The following ZNF484 variants were observed in gnomAD, a reference collection of about 807,000 sequenced individuals.
The protein encoded by ZNF484 is zinc finger protein 484, also known as KRAB box containing C2H2 type zinc finger bA526D8.4.
Under a neutral mutation model 12.9 loss-of-function variants are expected in ZNF484, and 11 were observed. The observed-to-expected ratio is 0.85, with a 90% CI of 0.54 to 1.41. The LOEUF (loss-of-function observed/expected upper bound fraction) is 1.41. Ranked by LOEUF, ZNF484 falls within the 40% of genes most tolerant of loss-of-function variation. The pLI is 0.00. For synonymous variants in ZNF484, 289 were observed against 334.1 expected (o/e 0.86, Z 1.47); for missense variants, 807 against 1,007.7 (o/e 0.80, Z 2.70).
intron 2 of ZNF484, among the ~76,000 whole-genome samples, chr9:92,870,420 G>A (rs7024349): frequency 4.6e-5 from 7 of 152,196 alleles, no homozygotes; most frequent in East Asian, 3.9e-4. Context: ...CTGTGGGCTT[G>A]ATTCATCTCT....
At chr9:92,852,131 C>G (rs1353892244) in intron 4 of ZNF484, among the ~76,000 whole-genome samples, 2 of 152,170 alleles carry the variant, frequency 1.3e-5, no homozygotes, top group African/African-American at 4.8e-5. Context: ...TCTACAGAAA[C>G]TTTGCATTTT....
In ZNF484 at chr9:92,856,332, A is replaced by AG. The variant is rs767836682; in HGVS notation, c.16-15_16-14insC. On this transcript the variant is annotated splice_polypyrimidine_tract_variant and intron_variant, in intron 2 of 4. Transcript: ENST00000375495. ...TGACACTGATTCCTGTTAAAAAAAA[A>AG]AAACAAACTTTAAAATAATTTTTTA... 2.6e-6 allele frequency: 4 copies of AG among 1,538,516 alleles called. No homozygotes were observed. The highest frequency in any genetic ancestry group is 2.8e-5 in the African/African-American group (2 of 71,760).
intron 2 of ZNF484, among the ~76,000 whole-genome samples, chr9:92,873,268 C>G (rs10123843): frequency 0.41 from 63,069 of 151,996 alleles, 14,051 homozygotes; most frequent in African/African-American, 0.57. Context: ...TACTTGCACC[C>G]TGATCTCTCA....
At chr9:92,860,672 A>G (rs929177003) in intron 2 of ZNF484, among the ~76,000 whole-genome samples, 11 of 151,976 alleles carry the variant, frequency 7.2e-5, no homozygotes, top group African/African-American at 2.4e-4. Context: ...TGAAAACTAC[A>G]AAAGATGCAT....
intron 1 of ZNF484, 37 bp downstream of exon 1, chr9:92,877,853 T>C (rs1173625726): frequency 1.3e-6 from 2 of 1,535,828 alleles, no homozygotes; most frequent in Admixed American, 3.9e-5. Flanking sequence ...GAGATTCTTC[T>C]TGCTCAGTCC....
intron 2 of ZNF484, among the ~76,000 whole-genome samples, chr9:92,862,861 T>C (rs1421390889): frequency 6.6e-6 from 1 of 152,212 alleles, no homozygotes; most frequent in Non-Finnish European, 1.5e-5. Context: ...AGTGTGGTGA[T>C]TCCTCAAAGA....
Position 92,869,447 on chromosome 9 carries a change from C to T in ZNF484, c.15+5568G>A, listed in dbSNP as rs538306960. The stretch of plus-strand genomic sequence containing the variant: ...TATGATATACCCATATTAGGCTGGG[C>T]GCAGTGGCTCACGCCTATAATTCCA... On this transcript the variant is annotated intron_variant, in intron 2 of 4. Coordinates refer to ENST00000375495, the MANE Select transcript of ZNF484 (RefSeq NM_031486.4). Among the ~76,000 whole-genome samples the T allele has an allele frequency of 7.9e-5, 12 of 152,244 alleles. No individual in the cohort carries two copies. The South Asian group carries it at 2.5e-3, about 32-fold the overall frequency.
chr9:92,871,971 T>A (rs1351634197), intron 2 of ZNF484, among the ~76,000 whole-genome samples: 3 of 152,230 alleles, frequency 2.0e-5, no homozygotes, highest in Admixed American at 6.5e-5. Context: ...GGCTCATGCC[T>A]GTAATCCCAA....
chr9:92,845,404 T>A lies in ZNF484; in HGVS notation c.*824A>T, dbSNP rs936843751. ...CTTCCAAATGTTCAACTACATTTTATCTTCTAAGGACACAAACTAAAATTC... is the reference window on the plus strand; with the variant it reads ...CTTCCAAATGTTCAACTACATTTTAACTTCTAAGGACACAAACTAAAATTC... On this transcript the variant is annotated 3_prime_UTR_variant, in exon 5 of 5. Transcript: ENST00000375495. The surrounding 1 kb of genome is among the most constrained non-coding windows in gnomAD (Gnocchi z 4.0). 2.1e-4 allele frequency: 32 copies of A among 152,236 alleles called. No individual in the cohort carries two copies. Among genetic ancestry groups the A allele is most frequent in the African/African-American group, 7.2e-4 (30 of 41,464 alleles). 9.4% of individuals were successfully genotyped at this position (152,236 alleles called of 1,614,324 possible). A position where few individuals can be genotyped will look rare whatever the true frequency, so the allele number is the denominator to read the frequency against.
Position 92,848,426 on chromosome 9 carries a change from C to T in ZNF484, c.361G>A (p.Asp121Asn). The stretch of plus-strand genomic sequence containing the variant: ...CCACATTTTCTTGTGTGTTCATCGT[C>T]TTTCCACAATTCTTCTAAAATGGAA... ...PYSILEELWKDDEHTRKCGEN... is the reference protein window; with the variant it reads ...PYSILEELWKNDEHTRKCGEN... Residue 121 changes from aspartate to asparagine, a missense_variant, in exon 5 of 5, where the codon GAC becomes AAC. Asp to Asn is a conservative substitution (Grantham distance 23). Transcript: ENST00000375495. The surrounding 1 kb of genome is among the most constrained non-coding windows in gnomAD (Gnocchi z 4.1). 1 of 1,614,142 alleles carries T rather than the reference C, an allele frequency of 6.2e-7. No homozygotes were observed. The highest frequency in any genetic ancestry group is 8.5e-7 in the Non-Finnish European group (1 of 1,180,016).
At chr9:92,855,936 C>T in intron 3 of ZNF484, 33 bp from the exon 4 acceptor site, 2 of 1,607,506 alleles carry the variant, frequency 1.2e-6, no homozygotes. Context: ...GACTTGATTT[C>T]AGAGGCCATA....
intron 4 of ZNF484, 38 bp downstream of exon 4, chr9:92,855,771 TGA>T (rs748560970): frequency 2.5e-6 from 4 of 1,585,828 alleles, no homozygotes; most frequent in Admixed American, 1.7e-5. Flanking sequence ...CAAATGCAGC[TGA>T]GTCATACTGT....
chr9:92,852,729 G>A (rs112543744), intron 4 of ZNF484, among the ~76,000 whole-genome samples: 3 of 151,402 alleles, frequency 2.0e-5, no homozygotes, highest in African/African-American at 7.3e-5. Flanking sequence ...TAGAGATGGG[G>A]TTTCGCCATG....
intron 1 of ZNF484, among the ~76,000 whole-genome samples, chr9:92,876,158 G>A (rs1422875401): frequency 6.6e-6 from 1 of 151,998 alleles, no homozygotes; most frequent in Admixed American, 6.6e-5. Flanking sequence ...AGGACAATGT[G>A]ACAATGTGAT....
rs148310470 is a variant in ZNF484 at position 92,867,368 on chromosome 9, G to A, written c.15+7647C>T. ...CTGGTGGCAGGCGCCTGTAGTCCCAGCTACTTGGGAGGCTGAGGCAGAAGA... is the reference window on the plus strand; with the variant it reads ...CTGGTGGCAGGCGCCTGTAGTCCCAACTACTTGGGAGGCTGAGGCAGAAGA... On this transcript the variant is annotated intron_variant, in intron 2 of 4. Transcript: ENST00000375495. Among the ~76,000 whole-genome samples, 772 of 152,280 alleles carry A rather than the reference G, an allele frequency of 5.1e-3. 4 individuals are homozygous for A. Among genetic ancestry groups the A allele is most frequent in the Middle Eastern group, 0.02 (6 of 294 alleles).
intron 2 of ZNF484, among the ~76,000 whole-genome samples, chr9:92,871,403 AAAG>A (rs1299930727): frequency 1.3e-5 from 2 of 152,178 alleles, no homozygotes; most frequent in Non-Finnish European, 2.9e-5. Context: ...ACTGAGAAAA[AAAG>A]GAACAGAACC....
Position 92,847,789 on chromosome 9 carries a change from T to C in ZNF484, c.998A>G (p.Tyr333Cys), listed in dbSNP as rs768184685. The C allele has an allele frequency of 3.1e-6, 5 of 1,614,040 alleles. No homozygotes were observed. Among genetic ancestry groups the C allele is most frequent in the East Asian group, 2.2e-5 (1 of 44,886 alleles). Residue 333 changes from tyrosine to cysteine, a missense_variant, in exon 5 of 5, where the codon TAT becomes TGT. Physicochemically the swap from Tyr to Cys is radical, Grantham distance 194. Coordinates refer to ENST00000375495, the MANE Select transcript of ZNF484 (RefSeq NM_031486.4). ...TGACTTCTGGATAAAGGCTCTTCCA[T>C]AGTCACTGCATTTATAGTAATTCCC... ...YEGNYYKCSD[Y>C]GRAFIQKSDL...
At chr9:92,861,946 T>C (rs1461692525) in intron 2 of ZNF484, among the ~76,000 whole-genome samples, 1 of 152,132 alleles carries the variant, frequency 6.6e-6, no homozygotes, top group African/African-American at 2.4e-5. Context: ...CAGAGAGAAA[T>C]GACACATTAC....
chr9:92,864,772 T>C (rs1168902074), intron 2 of ZNF484, among the ~76,000 whole-genome samples: 1 of 152,164 alleles, frequency 6.6e-6, no homozygotes, highest in Non-Finnish European at 1.5e-5. Flanking sequence ...TACACACGCA[T>C]GGGAGACTTC....
Sources: allele counts gnomAD v4.1 joint callset (sites outside exome capture counted in the v4.1 genomes callset), GRCh38; gene constraint gnomAD v4.1.1; non-coding constraint Gnocchi (gnomAD v3.1); transcripts MANE v1.5; gene names NCBI Gene and HGNC (gene_info 2026-07-23, HGNC 2026-07-21).